The following PGS1 variants were observed in gnomAD, a reference collection of about 807,000 sequenced individuals.
The protein encoded by PGS1 is CDP-diacylglycerol--glycerol-3-phosphate 3-phosphatidyltransferase, mitochondrial.
PGS1 carries 44 observed loss-of-function variants against 58.3 expected under a neutral mutation model. That is an observed-to-expected ratio of 0.75 (90% CI 0.59 to 0.97). The LOEUF (loss-of-function observed/expected upper bound fraction) is 0.97, where lower values mean the gene tolerates loss of function less well. Ranked by LOEUF, PGS1 falls within the 50% of genes least tolerant of loss-of-function variation. The probability of loss-of-function intolerance (pLI) is 0.00; values close to 1 mark genes in which losing one functional copy is unlikely to be tolerated. For missense variants in PGS1, 684 were observed against 731.1 expected (o/e 0.94, Z 0.74); for synonymous variants, 330 against 311.0 (o/e 1.06, Z -0.64).
chr17:78,416,965 T>G (rs373691889), intron 8 of PGS1, among the ~76,000 whole-genome samples: 2 of 152,218 alleles, frequency 1.3e-5, no homozygotes, highest in South Asian at 4.1e-4. Context: ...GAGATCTGCT[T>G]GGGAATTCAG....
intron 7 of PGS1, among the ~76,000 whole-genome samples, chr17:78,411,902 CTTTTTT>C (rs35472026): frequency 5.2e-5 from 3 of 57,986 alleles, no homozygotes; most frequent in Non-Finnish European, 8.5e-5. Flanking sequence ...AGGGCTCCTG[CTTTTTT>C]TTTTTTTTTT....
chr17:78,398,514 T>G (rs8075131), intron 4 of PGS1, among the ~76,000 whole-genome samples, 163 bp downstream of exon 4: 92,895 of 151,980 alleles, frequency 0.61, 28,503 homozygotes, highest in Admixed American at 0.65. Context: ...ATTTTTTTCT[T>G]CAGCAAGTGA....
intron 1 of PGS1, among the ~76,000 whole-genome samples, chr17:78,389,994 A>G (rs912813332): frequency 6.6e-6 from 1 of 152,086 alleles, no homozygotes; most frequent in African/African-American, 2.4e-5. Context: ...TGATTTTTGG[A>G]TGGTCTGAGA....
chr17:78,385,949 C>T (rs532162412), intron 1 of PGS1, among the ~76,000 whole-genome samples: 14 of 152,286 alleles, frequency 9.2e-5, no homozygotes, highest in South Asian at 8.3e-4. Context: ...TTGGTCAGAG[C>T]GGTTCAGATG....
At position 78,399,544 on chromosome 17, in the gene PGS1, G is replaced by C; in HGVS notation, c.701+7G>C. On this transcript the variant is annotated splice_region_variant and intron_variant, in intron 5 of 9. Coordinates refer to ENST00000262764, the MANE Select transcript of PGS1 (RefSeq NM_024419.5). ...ACAGCGTCATCTTGAGCGGGTGAGT[G>C]CTTCCCACCGTCAGTGCTTTTGCCC... The C allele has an allele frequency of 6.2e-7, 1 of 1,613,806 alleles. No individual in the cohort carries two copies. The highest frequency in any genetic ancestry group is 8.5e-7 in the Non-Finnish European group (1 of 1,179,764).
chr17:78,419,944 C>G (rs1420607055), intron 9 of PGS1: 15 of 1,207,580 alleles, frequency 1.2e-5, no homozygotes, highest in Non-Finnish European at 1.6e-5. Context: ...GCCTGTAGTC[C>G]CCTTCTGCTC....
chr17:78,419,825 C>T, intron 9 of PGS1, 150 bp downstream of exon 9: 1 of 1,436,910 alleles, frequency 7.0e-7, no homozygotes. Flanking sequence ...GGTATGGCAG[C>T]TGTCCTCAAA....
chr17:78,380,977 C>G (rs780880390), intron 1 of PGS1: 1 of 152,114 alleles, frequency 6.6e-6, no homozygotes, highest in Non-Finnish European at 1.5e-5. Flanking sequence ...TCCAGAGTAG[C>G]TGGGTCTACA....
intron 8 of PGS1, among the ~76,000 whole-genome samples, chr17:78,419,233 A>G (rs2085474409): frequency 6.6e-6 from 1 of 151,884 alleles, no homozygotes; most frequent in African/African-American, 2.4e-5. Context: ...GTGGCCTCAG[A>G]CTCCTGAGCT....
chr17:78,392,086 A>ACC (rs2082877125), intron 1 of PGS1, among the ~76,000 whole-genome samples: 1 of 152,194 alleles, frequency 6.6e-6, no homozygotes, highest in African/African-American at 2.4e-5. Flanking sequence ...GGCTGCAGGC[A>ACC]AATATTTTTG....
Position 78,381,232 on chromosome 17 carries a change from G to A in PGS1, c.143+2424G>A, listed in dbSNP as rs181542431. On this transcript the variant is annotated intron_variant, in intron 1 of 9. Coordinates refer to ENST00000262764, the MANE Select transcript of PGS1 (RefSeq NM_024419.5). ...CTAATCTCTTTTTTTTGTAAATTGT[G>A]TGAGTGGATGCAGTTTGTGTGCCTT... is the stretch of plus-strand genomic sequence containing the variant. Among the ~76,000 whole-genome samples the A allele has an allele frequency of 1.4e-3, 217 of 152,282 alleles. 2 individuals carry two copies. The highest frequency in any genetic ancestry group is 4.8e-3 in the African/African-American group (201 of 41,566).
At position 78,403,809 on chromosome 17, in the gene PGS1, T is replaced by C. The variant is rs767384531; in HGVS notation, c.1122T>C (p.Thr374=). 1.2e-6 allele frequency: 2 copies of C among 1,614,252 alleles called. No individual in the cohort carries two copies. The highest frequency in any genetic ancestry group is 1.7e-6 in the Non-Finnish European group (2 of 1,180,054). The change falls in exon 7 of 10, where the codon ACT becomes ACC. Residue 374 remains threonine (T), a synonymous_variant. Coordinates refer to ENST00000262764, the MANE Select transcript of PGS1 (RefSeq NM_024419.5). ...AGATTGTCACTGAGACCCTGTTGAC[T>C]GAGGCGGAGCGCGGGGCAAAGGTCT... The part of the protein sequence containing the change: ...IDEIVTETLL[T]EAERGAKVYL...
intron 1 of PGS1, among the ~76,000 whole-genome samples, chr17:78,389,053 CTTTTTTTT>C (rs5822252): frequency 2.1e-5 from 2 of 96,008 alleles, no homozygotes; most frequent in Non-Finnish European, 1.9e-5. Flanking sequence ...CCTCTTCTTC[CTTTTTTTT>C]TTTTTTTTTT....
chr17:78,380,407 GA>G (rs1256229091), intron 1 of PGS1, among the ~76,000 whole-genome samples: 1 of 152,118 alleles, frequency 6.6e-6, no homozygotes, highest in African/African-American at 2.4e-5. Flanking sequence ...GATTTTCATC[GA>G]AAACTCAAGT....
At chr17:78,401,609 CT>C (rs2146214980) in intron 6 of PGS1, among the ~76,000 whole-genome samples, 1 of 152,276 alleles carries the variant, frequency 6.6e-6, no homozygotes, top group South Asian at 2.1e-4. Flanking sequence ...GAAGAGCTCT[CT>C]GCGTCTTGTG....
chr17:78,394,814 C>CA (rs2083107869), intron 2 of PGS1, among the ~76,000 whole-genome samples: 1 of 152,200 alleles, frequency 6.6e-6, no homozygotes, highest in South Asian at 2.1e-4. Flanking sequence ...CTCGGCCTCC[C>CA]AAAGTGCTGG....
chr17:78,419,943 C>A, intron 9 of PGS1: 1 of 1,210,522 alleles, frequency 8.3e-7, no homozygotes, highest in Middle Eastern at 3.6e-4. Context: ...AGCCTGTAGT[C>A]CCCTTCTGCT....
intron 9 of PGS1, chr17:78,421,717 G>A (rs1454664019): frequency 6.6e-6 from 1 of 152,298 alleles, no homozygotes; most frequent in Non-Finnish European, 1.5e-5. Flanking sequence ...TGGGACCAGA[G>A]TAAATATCAT....
chr17:78,413,532 C>G (rs2084907871), intron 7 of PGS1, among the ~76,000 whole-genome samples: 1 of 152,124 alleles, frequency 6.6e-6, no homozygotes, highest in Non-Finnish European at 1.5e-5. Flanking sequence ...CTCGCTCTTG[C>G]TCACACCTGC....
Sources: allele counts gnomAD v4.1 joint callset (sites outside exome capture counted in the v4.1 genomes callset), GRCh38; gene constraint gnomAD v4.1.1; transcripts MANE v1.5; gene names NCBI Gene and HGNC (gene_info 2026-07-23, HGNC 2026-07-21).